The following FRG1 variants were observed in gnomAD, a reference collection of about 807,000 sequenced individuals.
The protein encoded by FRG1 is protein FRG1.
Under a neutral mutation model 37.0 loss-of-function variants are expected in FRG1, and 19 were observed. The observed-to-expected ratio is 0.51, with a 90% confidence interval of 0.36 to 0.75. The LOEUF (loss-of-function observed/expected upper bound fraction) is 0.75, where lower values mean the gene tolerates loss of function less well. Among genes scored for constraint, FRG1 ranks in the 30% least tolerant of loss-of-function variants. FRG1 has a pLI of 0.00. For synonymous variants in FRG1, 73 were observed against 96.5 expected (o/e 0.76, Z 1.43); for missense variants, 243 against 301.4 (o/e 0.81, Z 1.44).
At position 189,940,873 on chromosome 4, in the gene FRG1, G is replaced by T; in HGVS notation, c.-137G>T. 3.2e-6 allele frequency: 2 copies of T among 622,760 alleles called. No individual in the cohort carries two copies. The highest frequency in any genetic ancestry group is 2.9e-6 in the Non-Finnish European group (1 of 350,544). The allele number at this position is 622,760 out of a possible 1,614,324, so 38.6% of individuals were successfully genotyped here. ...CAGCGTTTGGGTGAAGACGGAGGCG[G>T]GTTCTACAGAGACGTAGGCTGTCAG... On this transcript the variant is annotated 5_prime_UTR_variant, in exon 1 of 9. Transcript: ENST00000226798.
At chr4:189,954,770 A>AT (rs1210158465) in intron 4 of FRG1, among the ~76,000 whole-genome samples, 2 of 151,778 alleles carry the variant, frequency 1.3e-5, no homozygotes, top group Non-Finnish European at 2.9e-5. Flanking sequence ...AACTTTTTAA[A>AT]TTTTTTGTAG....
chr4:189,941,156 G>T lies in FRG1; in HGVS notation c.62+85G>T, dbSNP rs962152015. The T allele has an allele frequency of 7.6e-5, 96 of 1,261,722 alleles. 1 individual carries two copies. In the Admixed American group the frequency reaches 1.7e-3, roughly 23 times the overall value. 78.2% of individuals were successfully genotyped at this position (1,261,722 alleles called of 1,614,324 possible). On this transcript the variant is annotated intron_variant, in intron 1 of 8. Coordinates refer to ENST00000226798, the MANE Select transcript of FRG1 (RefSeq NM_004477.3). Reference sequence around the variant, plus strand: ...GCAACTCCGGTGGAAGCCGTGGCGCGGAGAGCCGGCTTTGTGGCCTCCCAG... The same window carrying T: ...GCAACTCCGGTGGAAGCCGTGGCGCTGAGAGCCGGCTTTGTGGCCTCCCAG...
At chr4:189,957,258 G>C (rs201770204) in intron 5 of FRG1, 140 bp from the exon 6 acceptor site, 2 of 1,156,982 alleles carry the variant, frequency 1.7e-6, no homozygotes, top group East Asian at 5.2e-5. Flanking sequence ...ATATGTTCTT[G>C]TATTATATTT....
chr4:189,957,909 G>C (rs1737054686), intron 6 of FRG1, among the ~76,000 whole-genome samples: 1 of 152,058 alleles, frequency 6.6e-6, no homozygotes, highest in Non-Finnish European at 1.5e-5. Flanking sequence ...TTACTCACCT[G>C]TGTCCCAGCA....
At chr4:189,948,617 C>T (rs1736625710) in intron 2 of FRG1, among the ~76,000 whole-genome samples, 1 of 152,176 alleles carries the variant, frequency 6.6e-6, no homozygotes, top group Non-Finnish European at 1.5e-5. Flanking sequence ...TGAGCTGTCA[C>T]ACAGCCTTGA....
In FRG1 at chr4:189,961,906, A is replaced by AT; in HGVS notation, c.719dup (p.Leu240PhefsTer3). The AT allele has an allele frequency of 6.3e-7, 1 of 1,591,148 alleles. No individual in the cohort carries two copies. The highest frequency in any genetic ancestry group is 8.6e-7 in the Non-Finnish European group (1 of 1,167,170). On this transcript the variant is annotated frameshift_variant, in exon 8 of 9. Transcript: ENST00000226798. LOFTEE classifies it high-confidence loss of function. ...TTCTTAAAAAGGCTCGGAAAGATGGATTTTTGCATGAGACGCTTCTGGACA... is the reference window on the plus strand; with the variant it reads ...TTCTTAAAAAGGCTCGGAAAGATGGATTTTTTGCATGAGACGCTTCTGGACA...
At chr4:189,953,728 A>G (rs1736860661) in intron 4 of FRG1, among the ~76,000 whole-genome samples, 1 of 152,012 alleles carries the variant, frequency 6.6e-6, no homozygotes, top group South Asian at 2.1e-4. Flanking sequence ...CTGGCATCCC[A>G]GGAGATTCTC....
intron 1 of FRG1, chr4:189,941,918 AAAG>A (rs1736325893): frequency 2.3e-6 from 1 of 432,862 alleles, no homozygotes; most frequent in African/African-American, 2.0e-5. Flanking sequence ...GGCGAGATAG[AAAG>A]TATCAAGGAG....
At chr4:189,946,290 A>C (rs1365833088) in intron 2 of FRG1, among the ~76,000 whole-genome samples, 1 of 149,338 alleles carries the variant, frequency 6.7e-6, no homozygotes, top group Non-Finnish European at 1.5e-5. Flanking sequence ...CATAAAATAC[A>C]CTAACGATAA....
chr4:189,958,134 TTCTCTC>T (rs1162260640), intron 6 of FRG1, among the ~76,000 whole-genome samples: 11 of 151,622 alleles, frequency 7.3e-5, no homozygotes, highest in Admixed American at 6.6e-4. Context: ...TTTCCTCTCT[TTCTCTC>T]TCTCTCAACA....
At chr4:189,942,833 C>T (rs1736375917) in intron 1 of FRG1, among the ~76,000 whole-genome samples, 1 of 152,178 alleles carries the variant, frequency 6.6e-6, no homozygotes, top group Admixed American at 6.5e-5. Flanking sequence ...TGTGAAGGTA[C>T]ATATTACCTC....
intron 2 of FRG1, among the ~76,000 whole-genome samples, chr4:189,951,017 A>C (rs1561069111): frequency 6.6e-6 from 1 of 152,122 alleles, no homozygotes; most frequent in Non-Finnish European, 1.5e-5. Context: ...ACTCATTTCT[A>C]CTCTAGCTAA....
At chr4:189,943,582 A>G (rs549906873) in intron 2 of FRG1, among the ~76,000 whole-genome samples, 107 of 152,320 alleles carry the variant, frequency 7.0e-4, no homozygotes, top group Non-Finnish European at 1.4e-3. Flanking sequence ...AATATCTTTT[A>G]CAAGTTATTT....
intron 2 of FRG1, among the ~76,000 whole-genome samples, chr4:189,946,311 CA>C (rs34356772): frequency 0.016 from 1,735 of 105,574 alleles, 25 homozygotes; most frequent in African/African-American, 0.048. Context: ...GCTGATAAGC[CA>C]AAAAAAAAAA....
chr4:189,941,388 G>A (rs1309080857), intron 1 of FRG1, among the ~76,000 whole-genome samples: 14 of 152,324 alleles, frequency 9.2e-5, no homozygotes, highest in Non-Finnish European at 1.5e-5. Flanking sequence ...TGATCTCGTA[G>A]TTCATGATAA....
At chr4:189,950,337 T>C (rs76192111) in intron 2 of FRG1, among the ~76,000 whole-genome samples, 151 of 144,262 alleles carry the variant, frequency 1.0e-3, no homozygotes, top group African/African-American at 2.8e-3. Context: ...ACTCTGTTGA[T>C]GGCGGTTCTT....
chr4:189,941,628 G>T (rs572060595), intron 1 of FRG1, among the ~76,000 whole-genome samples: 4 of 152,128 alleles, frequency 2.6e-5, no homozygotes, highest in African/African-American at 7.2e-5. Flanking sequence ...CTCATTAAGA[G>T]ATCAAATATC....
Position 189,960,785 on chromosome 4 carries a change from A to T in FRG1, c.575A>T (p.Asp192Val), listed in dbSNP as rs753957739. Reference protein sequence around the residue: ...SCAERETKKKDDIPEEDKGNV... With the variant: ...SCAERETKKKVDIPEEDKGNV... Reference sequence around the variant, plus strand: ...GCTGAAAGAGAAACCAAGAAAAAAGATGACATTCCAGAAGAAGACAAAGGA... The same window carrying T: ...GCTGAAAGAGAAACCAAGAAAAAAGTTGACATTCCAGAAGAAGACAAAGGA... Residue 192 changes from aspartate (D) to valine (V), a missense_variant, in exon 7 of 9, where the codon GAT becomes GTT. Asp to Val is a radical substitution (Grantham distance 152, BLOSUM62 -3). Transcript: ENST00000226798. 6.2e-7 allele frequency: 1 copy of T among 1,609,132 alleles called. No homozygotes were observed. The highest frequency in any genetic ancestry group is 2.2e-5 in the East Asian group (1 of 44,876).
chr4:189,941,972 C>G (rs6837422), intron 1 of FRG1: 85,085 of 288,148 alleles, frequency 0.3, 12,837 homozygotes, highest in Middle Eastern at 0.41. Flanking sequence ...CTCGAGGAGT[C>G]TGGCCTCATG....
Sources: allele counts gnomAD v4.1 joint callset (sites outside exome capture counted in the v4.1 genomes callset), GRCh38; gene constraint gnomAD v4.1.1; transcripts MANE v1.5; gene names NCBI Gene and HGNC (gene_info 2026-07-23, HGNC 2026-07-21).